Variants in GREM2 observed in about 807,000 individuals in gnomAD.
The protein encoded by GREM2 is gremlin-2.
Under a neutral mutation model 14.2 loss-of-function variants are expected in GREM2, and 11 were observed. The observed-to-expected ratio is 0.78, with a 90% CI of 0.49 to 1.28. GREM2 has a LOEUF of 1.28. Among genes scored for constraint, GREM2 ranks in the 50% most tolerant of loss-of-function variants. The probability of loss-of-function intolerance (pLI) is 0.00; values close to 1 mark genes in which losing one functional copy is unlikely to be tolerated. For missense variants in GREM2, 210 were observed against 218.5 expected (o/e 0.96, Z 0.24); for synonymous variants, 98 against 97.6 (o/e 1.00, Z -0.02).
chr1:240,600,695 T>C (rs1377257504), intron 1 of GREM2, among the ~76,000 whole-genome samples: 2 of 151,990 alleles, frequency 1.3e-5, no homozygotes, highest in African/African-American at 4.8e-5. Context: ...TGTTGGCCAG[T>C]CTGGTCTCGA....
intron 1 of GREM2, among the ~76,000 whole-genome samples, chr1:240,610,305 T>G (rs1046149638): frequency 2.1e-5 from 2 of 96,570 alleles, no homozygotes; most frequent in Non-Finnish European, 5.7e-5. Flanking sequence ...GAAAAAAAAT[T>G]TATCTATAAA....
At chr1:240,611,347 C>T (rs1680130628) in intron 1 of GREM2, among the ~76,000 whole-genome samples, 1 of 152,114 alleles carries the variant, frequency 6.6e-6, no homozygotes, top group Non-Finnish European at 1.5e-5. Context: ...TCTCTCTTCT[C>T]CTTCAACCAC....
chr1:240,526,022 C>T lies in GREM2; in HGVS notation c.-1-32546G>A, dbSNP rs368628685. ...TTTTGCAGTCACATCTCCTTCTGACCACAGCCAAGAAACGTACTCCTGCTT... is the reference window on the plus strand; with the variant it reads ...TTTTGCAGTCACATCTCCTTCTGACTACAGCCAAGAAACGTACTCCTGCTT... On this transcript the variant is annotated intron_variant, in intron 1 of 1. Coordinates refer to ENST00000318160, the MANE Select transcript of GREM2 (RefSeq NM_022469.4). Among the ~76,000 whole-genome samples the T allele has an allele frequency of 1.1e-4, 16 of 152,276 alleles. No homozygotes were observed. In the East Asian group the frequency reaches 2.5e-3, roughly 24 times the overall value.
chr1:240,541,599 T>C (rs1161577581), intron 1 of GREM2, among the ~76,000 whole-genome samples: 4 of 152,222 alleles, frequency 2.6e-5, no homozygotes, highest in Admixed American at 1.3e-4. Context: ...CTTTTCTGTT[T>C]GGTTGCGTTA....
chr1:240,537,642 G>T (rs184588769), intron 1 of GREM2, among the ~76,000 whole-genome samples: 2 of 152,044 alleles, frequency 1.3e-5, no homozygotes, highest in Non-Finnish European at 2.9e-5. Context: ...AAAGTTAGCC[G>T]AGCATGGTGG....
At chr1:240,518,888 TG>T (rs1342045344) in intron 1 of GREM2, among the ~76,000 whole-genome samples, 1 of 152,224 alleles carries the variant, frequency 6.6e-6, no homozygotes, top group Non-Finnish European at 1.5e-5. Context: ...TTATGTTGCT[TG>T]ATGAATTTAT....
In GREM2 at chr1:240,542,504, A is replaced by T. The variant is rs1224586963; in HGVS notation, c.-1-49028T>A. On this transcript the variant is annotated intron_variant, in intron 1 of 1. Coordinates refer to ENST00000318160, the MANE Select transcript of GREM2 (RefSeq NM_022469.4). This position sits in a 1 kb window ranked among gnomAD's most constrained non-coding sequence, Gnocchi z 4.1. ...GTGGTGCGCACCTGTAGTCCCAGCT[A>T]CTCGGGAGGCTGAGGCAGGAGAATC... 6.6e-6 allele frequency among the ~76,000 whole-genome samples: 1 copy of T among 151,346 alleles called. No homozygotes were observed. The highest frequency in any genetic ancestry group is 2.4e-5 in the African/African-American group (1 of 41,184).
chr1:240,559,153 C>G (rs9428850), intron 1 of GREM2, among the ~76,000 whole-genome samples: 1 of 152,006 alleles, frequency 6.6e-6, no homozygotes, highest in Non-Finnish European at 1.5e-5. Flanking sequence ...ATGAATTTCT[C>G]GAACTCTGTT....
intron 1 of GREM2, among the ~76,000 whole-genome samples, chr1:240,534,136 A>G (rs1381584147): frequency 6.6e-6 from 1 of 152,230 alleles, no homozygotes; most frequent in African/African-American, 2.4e-5. Flanking sequence ...CCTGAGAAAG[A>G]TCTTGAAGAA....
chr1:240,512,812 A>G (rs561363375), intron 1 of GREM2, among the ~76,000 whole-genome samples: 4 of 152,272 alleles, frequency 2.6e-5, no homozygotes, highest in African/African-American at 9.6e-5. Flanking sequence ...TATGGCCCTG[A>G]TAGTAGTAGA....
intron 1 of GREM2, among the ~76,000 whole-genome samples, chr1:240,538,877 AC>A (rs1287139159): frequency 6.6e-6 from 1 of 152,216 alleles, no homozygotes; most frequent in Non-Finnish European, 1.5e-5. Context: ...CACATTGGCT[AC>A]AAATGCTTTG....
chr1:240,607,030 A>G (rs1379035677), intron 1 of GREM2, among the ~76,000 whole-genome samples: 1 of 152,182 alleles, frequency 6.6e-6, no homozygotes, highest in South Asian at 2.1e-4. Context: ...TGAAAGCTCT[A>G]AGTCTTAGTA....
Position 240,489,803 on chromosome 1 carries a change from A to G in GREM2, c.*3166T>C, listed in dbSNP as rs551705912. 3 of 152,212 alleles carry G rather than the reference A, an allele frequency of 2.0e-5. No homozygotes were observed. Among genetic ancestry groups the G allele is most frequent in the Non-Finnish European group, 4.4e-5 (3 of 68,036 alleles). The allele number at this position is 152,212 out of a possible 1,614,324, so 9.4% of individuals were successfully genotyped here. A position where few individuals can be genotyped will look rare whatever the true frequency, so the allele number is the denominator to read the frequency against. On this transcript the variant is annotated 3_prime_UTR_variant, in exon 2 of 2. Transcript: ENST00000318160. ...CAAAAGTCATTTTCATTGACTTTAT[A>G]ACTTAAAAATCATCTGGCCAATTTC...
chr1:240,606,725 C>A (rs1450202020), intron 1 of GREM2, among the ~76,000 whole-genome samples: 1 of 148,176 alleles, frequency 6.7e-6, no homozygotes, highest in African/African-American at 2.5e-5. Flanking sequence ...GTTGCCCAGG[C>A]TGGAGTGCAG....
intron 1 of GREM2, among the ~76,000 whole-genome samples, chr1:240,608,551 C>T (rs1680075383): frequency 6.6e-6 from 1 of 152,114 alleles, no homozygotes; most frequent in African/African-American, 2.4e-5. Context: ...CCTATAGAGC[C>T]AGGTTGAATA....
chr1:240,609,094 T>TA (rs1680085021), intron 1 of GREM2, among the ~76,000 whole-genome samples: 1 of 152,156 alleles, frequency 6.6e-6, no homozygotes, highest in African/African-American at 2.4e-5. Flanking sequence ...TATCTGAAGG[T>TA]AATTAGAGGA....
At chr1:240,564,546 A>G (rs190778567) in intron 1 of GREM2, among the ~76,000 whole-genome samples, 1 of 151,976 alleles carries the variant, frequency 6.6e-6, no homozygotes, top group African/African-American at 2.4e-5. Flanking sequence ...TAAATAATAA[A>G]GTTACTTGTT....
At chr1:240,593,564 T>C (rs1216576564) in intron 1 of GREM2, among the ~76,000 whole-genome samples, 4 of 152,170 alleles carry the variant, frequency 2.6e-5, no homozygotes, top group African/African-American at 4.8e-5. Context: ...CAAAAGGTAA[T>C]CAGCAACGTA....
rs546709399 is a variant in GREM2, at chr1:240,497,374, T to TGGG, written c.-1-3901_-1-3899dup. Among the ~76,000 whole-genome samples, 4 of 152,122 alleles carry TGGG rather than the reference T, an allele frequency of 2.6e-5. No individual in the cohort carries two copies. The South Asian group carries it at 8.3e-4, about 32-fold the overall frequency. The stretch of plus-strand genomic sequence containing the variant: ...GCATTCTGGGTCAGTAGTGTTGGGG[T>TGGG]GGGGTTTCAGATCTGTATTTCTAAA... On this transcript the variant is annotated intron_variant, in intron 1 of 1. Coordinates refer to ENST00000318160, the MANE Select transcript of GREM2 (RefSeq NM_022469.4).
Sources: allele counts gnomAD v4.1 joint callset (sites outside exome capture counted in the v4.1 genomes callset), GRCh38; gene constraint gnomAD v4.1.1; non-coding constraint Gnocchi (gnomAD v3.1); transcripts MANE v1.5; gene names NCBI Gene and HGNC (gene_info 2026-07-23, HGNC 2026-07-21).